ARHGAP42: variants seen among roughly 807,000 people sequenced by gnomAD.
The protein encoded by ARHGAP42 is rho GTPase-activating protein 42.
Under a neutral mutation model 125.0 loss-of-function variants are expected in ARHGAP42, and 63 were observed. The observed-to-expected ratio is 0.50, with a 90% CI of 0.41 to 0.62. The LOEUF (loss-of-function observed/expected upper bound fraction) is 0.62, where lower values mean the gene tolerates loss of function less well. ARHGAP42 is among the 20% of genes least tolerant of loss of function. The probability of loss-of-function intolerance (pLI) is 0.00; values close to 1 mark genes in which losing one functional copy is unlikely to be tolerated. For synonymous variants in ARHGAP42, 339 were observed against 351.0 expected (o/e 0.97, Z 0.38); for missense variants, 766 against 1,024.2 (o/e 0.75, Z 3.44).
intron 7 of ARHGAP42, among the ~76,000 whole-genome samples, chr11:100,933,478 C>A (rs1867642014): frequency 6.6e-6 from 1 of 152,092 alleles, no homozygotes. Flanking sequence ...ATCCAGTGTT[C>A]TTGTTAATTT....
At position 100,943,774 on chromosome 11, in the gene ARHGAP42, A is replaced by G. The variant is rs755444433; in HGVS notation, c.949A>G (p.Ser317Gly). 2.6e-5 allele frequency: 41 copies of G among 1,549,014 alleles called. No homozygotes were observed. The highest frequency in any genetic ancestry group is 3.9e-5 in the Admixed American group (2 of 50,876). Residue 317 changes from serine to glycine, a missense_variant, in exon 10 of 24, where the codon AGC (serine) becomes GGC (glycine). By Grantham distance (56) the Ser-to-Gly change is moderately conservative. Coordinates refer to ENST00000298815, the MANE Select transcript of ARHGAP42 (RefSeq NM_152432.4). ...SSGKMNGLVT[S>G]SPEMFKLKSC... ...CTTGTTTCAGAATGGCCTTGTTACTAGCTCACCGGAAATGTTTAAATTAAA... is the reference window on the plus strand; with the variant it reads ...CTTGTTTCAGAATGGCCTTGTTACTGGCTCACCGGAAATGTTTAAATTAAA...
At chr11:100,912,002 G>A (rs185877161) in intron 4 of ARHGAP42, among the ~76,000 whole-genome samples, 2 of 152,192 alleles carry the variant, frequency 1.3e-5, no homozygotes, top group African/African-American at 2.4e-5. Context: ...AGCAGAACCT[G>A]ACTTACTCTC....
At chr11:100,800,343 A>AGG (rs1313071855) in intron 3 of ARHGAP42, among the ~76,000 whole-genome samples, 1 of 152,174 alleles carries the variant, frequency 6.6e-6, no homozygotes, top group South Asian at 2.1e-4. Context: ...CTGGGAACAG[A>AGG]GGGGAGTTGG....
intron 3 of ARHGAP42, among the ~76,000 whole-genome samples, chr11:100,854,594 C>A (rs556233774): frequency 6.6e-6 from 1 of 152,216 alleles, no homozygotes; most frequent in Admixed American, 6.5e-5. Context: ...GCAAGACGTG[C>A]TCGTGTATCC....
chr11:100,849,954 A>T (rs1355718478), intron 3 of ARHGAP42, among the ~76,000 whole-genome samples: 2 of 152,184 alleles, frequency 1.3e-5, no homozygotes, highest in Non-Finnish European at 2.9e-5. Flanking sequence ...TCATTTCTCA[A>T]ACTTTAATTG....
chr11:100,931,267 A>G (rs17646163), intron 6 of ARHGAP42, among the ~76,000 whole-genome samples: 12,748 of 152,216 alleles, frequency 0.084, 637 homozygotes, highest in Non-Finnish European at 0.11. Context: ...TTAGTACTTT[A>G]GGACTGGAGC....
intron 1 of ARHGAP42, among the ~76,000 whole-genome samples, chr11:100,692,949 A>G (rs1364933240): frequency 6.6e-6 from 1 of 152,194 alleles, no homozygotes; most frequent in Non-Finnish European, 1.5e-5. Flanking sequence ...TTACTTTTTA[A>G]GCCAGCTTTG....
intron 4 of ARHGAP42, among the ~76,000 whole-genome samples, chr11:100,901,643 G>T (rs987579785): frequency 6.6e-6 from 1 of 152,200 alleles, no homozygotes; most frequent in Non-Finnish European, 1.5e-5. Flanking sequence ...CCCCAGCCAG[G>T]CTGCCACCTC....
At chr11:100,714,251 A>G (rs1329373464) in intron 1 of ARHGAP42, among the ~76,000 whole-genome samples, 3 of 152,218 alleles carry the variant, frequency 2.0e-5, no homozygotes, top group African/African-American at 7.2e-5. Flanking sequence ...TGTCAAGTCA[A>G]TTCTTAAATG....
At chr11:100,978,116 G>C (rs1183742817) in intron 21 of ARHGAP42, among the ~76,000 whole-genome samples, 1 of 152,120 alleles carries the variant, frequency 6.6e-6, no homozygotes, top group Non-Finnish European at 1.5e-5. Flanking sequence ...TTAAGCCAAT[G>C]TATTAGGGAA....
In ARHGAP42 at chr11:100,901,787, G is replaced by A. The variant is rs140188855; in HGVS notation, c.385-11665G>A. ...CTTGGGAAAAACACAGTATTTGGGT[G>A]GAAGTGTCCCGTTTTTCCAGGTACA... On this transcript the variant is annotated intron_variant, in intron 4 of 23. Transcript: ENST00000298815. 1.1e-3 allele frequency among the ~76,000 whole-genome samples: 161 copies of A among 152,340 alleles called. 1 individual carries two copies. Among genetic ancestry groups the A allele is most frequent in the Middle Eastern group, 3.4e-3 (1 of 294 alleles).
chr11:100,909,447 C>T (rs1283738647), intron 4 of ARHGAP42, among the ~76,000 whole-genome samples: 5 of 151,038 alleles, frequency 3.3e-5, no homozygotes, highest in Non-Finnish European at 7.4e-5. Context: ...AGGGTTCAAG[C>T]GATTCTCCTG....
intron 3 of ARHGAP42, among the ~76,000 whole-genome samples, chr11:100,841,663 T>C (rs1864949574): frequency 6.6e-6 from 1 of 152,286 alleles, no homozygotes; most frequent in Non-Finnish European, 1.5e-5. Context: ...GCTTTCATCA[T>C]GCTAGCCTTC....
intron 2 of ARHGAP42, among the ~76,000 whole-genome samples, chr11:100,788,820 G>A (rs553360957): frequency 1.3e-5 from 2 of 152,018 alleles, no homozygotes; most frequent in African/African-American, 2.4e-5. Context: ...TTTGGTTATG[G>A]ATTAAATTGT....
At chr11:100,982,966 A>T (rs1373760925) in intron 22 of ARHGAP42, among the ~76,000 whole-genome samples, 2 of 152,232 alleles carry the variant, frequency 1.3e-5, no homozygotes, top group African/African-American at 4.8e-5. Flanking sequence ...TGTTTAAAAT[A>T]ATAATTTAAT....
chr11:100,970,347 C>G, intron 17 of ARHGAP42, among the ~76,000 whole-genome samples: 1 of 152,034 alleles, frequency 6.6e-6, no homozygotes, highest in South Asian at 2.1e-4. Context: ...CTGTGTGAAG[C>G]CTCTTCTATT....
At chr11:100,848,298 A>G (rs1865119320) in intron 3 of ARHGAP42, among the ~76,000 whole-genome samples, 1 of 152,124 alleles carries the variant, frequency 6.6e-6, no homozygotes, top group South Asian at 2.1e-4. Context: ...ATATTCCTTA[A>G]CTATTAATAT....
chr11:100,808,704 C>T (rs931761741), intron 3 of ARHGAP42, among the ~76,000 whole-genome samples: 42 of 152,246 alleles, frequency 2.8e-4, no homozygotes, highest in African/African-American at 1.0e-3. Flanking sequence ...CGCGCCCGGC[C>T]AAATTCACTC....
intron 20 of ARHGAP42, 35 bp downstream of exon 20, chr11:100,976,472 G>C: frequency 1.3e-6 from 2 of 1,486,162 alleles, no homozygotes; most frequent in South Asian, 2.8e-5. Flanking sequence ...AGATGTCATT[G>C]TCTCAGTGTC....
Sources: allele counts gnomAD v4.1 joint callset (sites outside exome capture counted in the v4.1 genomes callset), GRCh38; gene constraint gnomAD v4.1.1; transcripts MANE v1.5; gene names NCBI Gene and HGNC (gene_info 2026-07-23, HGNC 2026-07-21).